CCDC126: variants seen among roughly 807,000 people sequenced by gnomAD.
CCDC126 encodes coiled-coil domain containing 126.
A neutral mutation model predicts 11.7 loss-of-function variants in CCDC126; 5 were observed. The ratio of observed to expected loss-of-function variants is 0.43; its 90% confidence interval spans 0.22 to 0.90. The LOEUF (loss-of-function observed/expected upper bound fraction) is 0.90, where lower values mean the gene tolerates loss of function less well. Ranked by LOEUF, CCDC126 falls within the 40% of genes least tolerant of loss-of-function variation. The pLI is 0.27. For synonymous variants in CCDC126, 60 were observed against 61.9 expected (o/e 0.97, Z 0.14); for missense variants, 150 against 163.1 (o/e 0.92, Z 0.44).
intron 3 of CCDC126, among the ~76,000 whole-genome samples, chr7:23,630,078 C>G (rs1429112921): frequency 6.6e-6 from 1 of 152,136 alleles, no homozygotes; most frequent in Non-Finnish European, 1.5e-5. Context: ...CCAGCCTTAC[C>G]TATGAAAGAC....
At chr7:23,633,389 A>C (rs1054167576) in intron 3 of CCDC126, among the ~76,000 whole-genome samples, 2 of 151,776 alleles carry the variant, frequency 1.3e-5, no homozygotes, top group African/African-American at 4.8e-5. Flanking sequence ...TTAAAAATAC[A>C]AAAGATTAAA....
At chr7:23,613,915 T>C (rs996074926) in intron 3 of CCDC126, among the ~76,000 whole-genome samples, 1 of 152,220 alleles carries the variant, frequency 6.6e-6, no homozygotes, top group Non-Finnish European at 1.5e-5. Flanking sequence ...CATACCTTAA[T>C]TGAAAATACT....
chr7:23,620,959 C>T (rs904308302), intron 3 of CCDC126, among the ~76,000 whole-genome samples: 1 of 152,096 alleles, frequency 6.6e-6, no homozygotes, highest in African/African-American at 2.4e-5. Flanking sequence ...GGTACCAGTC[C>T]CATGCTGTTT....
chr7:23,644,661 T>A lies in CCDC126; in HGVS notation c.*1546T>A, dbSNP rs559561182. 6.6e-6 allele frequency: 1 copy of A among 152,662 alleles called. No individual in the cohort carries two copies. The highest frequency in any genetic ancestry group is 2.1e-4 in the South Asian group (1 of 4,832). 9.5% of individuals were successfully genotyped at this position (152,662 alleles called of 1,614,324 possible). On this transcript the variant is annotated 3_prime_UTR_variant, in exon 4 of 4. Transcript: ENST00000307471. ...TCCTATTAGATGTGGACATTTTTGT[T>A]TTTGTTTTTGTTTTCAGGGATGAAA...
chr7:23,640,192 A>G (rs536396421), intron 3 of CCDC126, among the ~76,000 whole-genome samples: 2 of 150,634 alleles, frequency 1.3e-5, no homozygotes, highest in East Asian at 3.9e-4. Flanking sequence ...CAAAAAAAAT[A>G]ATAATAATAA....
intron 3 of CCDC126, among the ~76,000 whole-genome samples, chr7:23,618,096 T>A (rs973352276): frequency 1.3e-5 from 2 of 152,212 alleles, no homozygotes; most frequent in African/African-American, 4.8e-5. Flanking sequence ...CCTCTCTTCA[T>A]AGAACCAGGA....
chr7:23,633,532 G>A (rs754570520), intron 3 of CCDC126, among the ~76,000 whole-genome samples: 8 of 151,730 alleles, frequency 5.3e-5, no homozygotes, highest in Non-Finnish European at 8.8e-5. Flanking sequence ...TAGCTTCATA[G>A]TAAAACTTTA....
intron 2 of CCDC126, among the ~76,000 whole-genome samples, chr7:23,610,967 A>G (rs545480589): frequency 1.3e-5 from 2 of 152,304 alleles, no homozygotes; most frequent in Non-Finnish European, 2.9e-5. Flanking sequence ...TTTTCAATGA[A>G]TTGACATTTG....
intron 3 of CCDC126, 85 bp from the exon 4 acceptor site, chr7:23,642,846 T>C (rs2128023745): frequency 3.7e-6 from 4 of 1,095,732 alleles, no homozygotes; most frequent in South Asian, 2.9e-5. Context: ...GACCCAGTAG[T>C]TGTTCACCTT....
In CCDC126 at chr7:23,611,209, A is replaced by G. The variant is rs112616268; in HGVS notation, c.-107A>G. ...GATACAACCTTGCTGAAGATGAAGA[A>G]TATACAATATTGAGGATATTTTTTT... On this transcript the variant is annotated 5_prime_UTR_variant, in exon 3 of 4. Transcript: ENST00000307471. 131 of 708,634 alleles carry G rather than the reference A, an allele frequency of 1.8e-4. 1 individual carries two copies. In the African/African-American group the frequency reaches 2.1e-3, roughly 11 times the overall value. The allele number at this position is 708,634 out of a possible 1,614,324, so 43.9% of individuals were successfully genotyped here.
At chr7:23,637,020 A>G (rs74824711) in intron 3 of CCDC126, among the ~76,000 whole-genome samples, 14,279 of 25,022 alleles carry the variant, frequency 0.57, 4,653 homozygotes, top group African/African-American at 0.74. Context: ...CCGTCCGGGA[A>G]GGGGGAGGGG....
chr7:23,619,987 G>A (rs1213361945), intron 3 of CCDC126, among the ~76,000 whole-genome samples: 1 of 151,994 alleles, frequency 6.6e-6, no homozygotes, highest in Non-Finnish European at 1.5e-5. Flanking sequence ...ATCATTGTTG[G>A]ATATTTGGGT....
At chr7:23,616,892 T>G (rs932748075) in intron 3 of CCDC126, among the ~76,000 whole-genome samples, 2 of 152,218 alleles carry the variant, frequency 1.3e-5, no homozygotes, top group African/African-American at 4.8e-5. Context: ...TCTGGCATTC[T>G]GTTAATTCCA....
At chr7:23,619,828 G>A (rs1362675397) in intron 3 of CCDC126, among the ~76,000 whole-genome samples, 1 of 148,550 alleles carries the variant, frequency 6.7e-6, no homozygotes, top group Non-Finnish European at 1.5e-5. Flanking sequence ...GAGAACATGC[G>A]GTGTTTGGTT....
intron 3 of CCDC126, among the ~76,000 whole-genome samples, chr7:23,629,182 A>G (rs763287227): frequency 2.0e-5 from 3 of 152,212 alleles, no homozygotes; most frequent in Non-Finnish European, 4.4e-5. Flanking sequence ...ATATGTTGAA[A>G]CCTAATTTGG....
At chr7:23,634,890 G>A (rs1783180134) in intron 3 of CCDC126, among the ~76,000 whole-genome samples, 1 of 152,154 alleles carries the variant, frequency 6.6e-6, no homozygotes, top group Non-Finnish European at 1.5e-5. Flanking sequence ...CTCTTCCACA[G>A]TTAAAGGGAT....
chr7:23,615,001 C>T (rs958074447), intron 3 of CCDC126, among the ~76,000 whole-genome samples: 1 of 152,188 alleles, frequency 6.6e-6, no homozygotes, highest in Non-Finnish European at 1.5e-5. Flanking sequence ...AGATGCATTA[C>T]CCCCTAAGAA....
At chr7:23,640,510 T>A (rs1046622833) in intron 3 of CCDC126, among the ~76,000 whole-genome samples, 4 of 151,698 alleles carry the variant, frequency 2.6e-5, no homozygotes, top group East Asian at 1.9e-4. Flanking sequence ...AAAAAAAAAT[T>A]TTTTTTTTAA....
intron 3 of CCDC126, among the ~76,000 whole-genome samples, chr7:23,625,124 G>A (rs1782990317): frequency 6.6e-6 from 1 of 152,174 alleles, no homozygotes; most frequent in Non-Finnish European, 1.5e-5. Flanking sequence ...GATTACAGAT[G>A]TGAGCTACTA....
Sources: gnomAD v4.1 joint callset for allele counts (sites outside exome capture counted in the v4.1 genomes callset) on GRCh38, gnomAD v4.1.1 for gene constraint, MANE v1.5 for transcripts, NCBI Gene and HGNC (gene_info 2026-07-23, HGNC 2026-07-21) for gene names.